TAFA4: variants seen among roughly 807,000 people sequenced by gnomAD.
The protein encoded by TAFA4 is chemokine-like protein TAFA-4.
Under a neutral mutation model 21.1 loss-of-function variants are expected in TAFA4, and 20 were observed. The ratio of observed to expected loss-of-function variants is 0.95; its 90% CI spans 0.67 to 1.38. The LOEUF (loss-of-function observed/expected upper bound fraction) is 1.38, where lower values mean the gene tolerates loss of function less well. TAFA4 is among the 40% of genes most tolerant of loss of function. The pLI is 0.00. For synonymous variants in TAFA4, 71 were observed against 67.4 expected, an observed-to-expected ratio of 1.05 and a Z score of -0.26; for missense variants, 211 against 180.9, an observed-to-expected ratio of 1.17 and a Z score of -0.95.
intron 3 of TAFA4, among the ~76,000 whole-genome samples, chr3:68,763,079 T>C (rs1170156713): frequency 6.6e-6 from 1 of 152,230 alleles, no homozygotes; most frequent in Non-Finnish European, 1.5e-5. Context: ...TGAGAGCTGC[T>C]TGAACACCAT....
intron 3 of TAFA4, among the ~76,000 whole-genome samples, chr3:68,821,194 A>G (rs972384898): frequency 6.6e-6 from 1 of 152,210 alleles, no homozygotes; most frequent in African/African-American, 2.4e-5. Context: ...ACCACTGCCA[A>G]AATATACCAC....
intron 3 of TAFA4, among the ~76,000 whole-genome samples, chr3:68,809,225 G>A (rs1703775103): frequency 6.6e-6 from 1 of 152,218 alleles, no homozygotes; most frequent in South Asian, 2.1e-4. Flanking sequence ...TATGATGATA[G>A]AAGTGAGCTT....
intron 3 of TAFA4, among the ~76,000 whole-genome samples, chr3:68,860,970 C>T (rs796668210): frequency 4.6e-5 from 7 of 151,502 alleles, no homozygotes; most frequent in African/African-American, 1.7e-4. Context: ...TTCTGGGACT[C>T]TAAAGTGGAA....
chr3:68,882,317 T>C (rs2089628046), intron 2 of TAFA4, among the ~76,000 whole-genome samples: 1 of 147,676 alleles, frequency 6.8e-6, no homozygotes, highest in African/African-American at 2.5e-5. Context: ...TTGTTTGATC[T>C]GTGCTTTAAA....
chr3:68,927,302 A>C (rs60913563), intron 1 of TAFA4, among the ~76,000 whole-genome samples: 33,028 of 152,202 alleles, frequency 0.22, 3,614 homozygotes, highest in Middle Eastern at 0.32. Context: ...TGAAATAGAA[A>C]TGAAGAAAAT....
At chr3:68,802,372 G>C (rs1418303242) in intron 3 of TAFA4, among the ~76,000 whole-genome samples, 1 of 151,592 alleles carries the variant, frequency 6.6e-6, no homozygotes, top group Non-Finnish European at 1.5e-5. Flanking sequence ...GTCATCTTTA[G>C]AACCTTGATC....
intron 1 of TAFA4, among the ~76,000 whole-genome samples, chr3:68,920,843 GTT>G (rs2090054051): frequency 6.6e-6 from 1 of 151,814 alleles, no homozygotes; most frequent in African/African-American, 2.4e-5. Flanking sequence ...AAAGACTATG[GTT>G]TTCTAAAAGC....
intron 3 of TAFA4, among the ~76,000 whole-genome samples, chr3:68,807,561 TTAA>T (rs1323975365): frequency 1.5e-5 from 2 of 135,318 alleles, no homozygotes; most frequent in African/African-American, 6.4e-5. Context: ...TTCACTACTC[TTAA>T]TGATCTGCAG....
chr3:68,880,933 A>T (rs1280424024), intron 2 of TAFA4, 88 bp from the exon 3 acceptor site: 2 of 962,350 alleles, frequency 2.1e-6, no homozygotes, highest in Non-Finnish European at 3.2e-6. Flanking sequence ...GGGAGAAAGC[A>T]GGGGCAGATC....
chr3:68,819,946 G>T (rs1704076470), intron 3 of TAFA4, among the ~76,000 whole-genome samples: 1 of 152,092 alleles, frequency 6.6e-6, no homozygotes, highest in Admixed American at 6.6e-5. Context: ...TGCATCCAAA[G>T]AATATGAAAC....
Position 68,739,079 on chromosome 3 carries a change from G to T in TAFA4, c.407C>A (p.Thr136Lys). 1 of 1,613,506 alleles carries T rather than the reference G, an allele frequency of 6.2e-7. No homozygotes were observed. The highest frequency in any genetic ancestry group is 8.5e-7 in the Non-Finnish European group (1 of 1,179,752). Reference protein sequence around the residue: ...SCSSGNKVKTTKVTR With the variant: ...SCSSGNKVKTKKVTR ...TTGCATTTTGTCTATACTTGCCTTCGTAGTTTTGACTTTATTGCCACTGCT... is the reference window on the plus strand; with the variant it reads ...TTGCATTTTGTCTATACTTGCCTTCTTAGTTTTGACTTTATTGCCACTGCT... Residue 136 changes from threonine (T) to lysine (K), a missense_variant, in exon 5 of 6, where the codon ACG (threonine) becomes AAG (lysine). Transcript: ENST00000295569.
chr3:68,770,742 C>T (rs553938084), intron 3 of TAFA4, among the ~76,000 whole-genome samples: 1 of 152,106 alleles, frequency 6.6e-6, no homozygotes, highest in Non-Finnish European at 1.5e-5. Flanking sequence ...TTTGTGCAAC[C>T]CATCTCTTAC....
chr3:68,896,771 G>A (rs1292049955), intron 1 of TAFA4, among the ~76,000 whole-genome samples: 1 of 152,194 alleles, frequency 6.6e-6, no homozygotes, highest in East Asian at 1.9e-4. Flanking sequence ...TCCCTGCTGG[G>A]TATCTCAGAC....
At chr3:68,798,034 T>A (rs1559524328) in intron 3 of TAFA4, among the ~76,000 whole-genome samples, 1 of 152,200 alleles carries the variant, frequency 6.6e-6, no homozygotes, top group African/African-American at 2.4e-5. Context: ...AAGAATATAA[T>A]ATAGGTATAT....
At chr3:68,924,162 C>T (rs1159437693) in intron 1 of TAFA4, among the ~76,000 whole-genome samples, 1 of 152,178 alleles carries the variant, frequency 6.6e-6, no homozygotes, top group Non-Finnish European at 1.5e-5. Context: ...GAACTAAAAG[C>T]ATCTTGAACA....
rs145084851 is a variant in TAFA4 at position 68,810,146 on chromosome 3, C to A, written c.131-57128G>T. Among the ~76,000 whole-genome samples, 358 of 152,336 alleles carry A rather than the reference C, an allele frequency of 2.4e-3. 3 individuals carry two copies. Among genetic ancestry groups the A allele is most frequent in the African/African-American group, 8.3e-3 (345 of 41,572 alleles). On this transcript the variant is annotated intron_variant, in intron 3 of 5. Transcript: ENST00000295569. The stretch of plus-strand genomic sequence containing the variant: ...GAATTTGATAAGGAATGCATGGAAT[C>A]TGTACATTGCTTTGGGTAATGTGGA...
chr3:68,894,673 C>T (rs2089768006), intron 1 of TAFA4, among the ~76,000 whole-genome samples: 1 of 152,076 alleles, frequency 6.6e-6, no homozygotes, highest in Non-Finnish European at 1.5e-5. Flanking sequence ...GTAGGCCATT[C>T]AATATTTGGC....
intron 3 of TAFA4, among the ~76,000 whole-genome samples, chr3:68,822,217 T>C (rs1055209111): frequency 1.3e-5 from 2 of 152,190 alleles, no homozygotes; most frequent in Admixed American, 6.5e-5. Flanking sequence ...TAACGAGCAT[T>C]TGGATGCCTA....
At chr3:68,888,107 C>G (rs373323261) in intron 1 of TAFA4, among the ~76,000 whole-genome samples, 1 of 152,264 alleles carries the variant, frequency 6.6e-6, no homozygotes, top group East Asian at 1.9e-4. Context: ...TGAACACTCT[C>G]CTGCCACATA....
Sources: gnomAD v4.1 joint callset for allele counts (sites outside exome capture counted in the v4.1 genomes callset) on GRCh38, gnomAD v4.1.1 for gene constraint, MANE v1.5 for transcripts, NCBI Gene and HGNC (gene_info 2026-07-23, HGNC 2026-07-21) for gene names.